The following THRB variants were observed in gnomAD, a reference collection of about 807,000 sequenced individuals.
THRB encodes the protein thyroid hormone receptor beta.
THRB carries 12 observed loss-of-function variants against 47.8 expected under a neutral mutation model. The observed-to-expected ratio is 0.25, with a 90% CI of 0.16 to 0.41. The LOEUF (loss-of-function observed/expected upper bound fraction) is 0.41, where lower values mean the gene tolerates loss of function less well. THRB is among the 10% of genes least tolerant of loss of function. THRB has a pLI of 1.00. For synonymous variants in THRB, 218 were observed against 212.2 expected (o/e 1.03, Z -0.24); for missense variants, 348 against 589.2 (o/e 0.59, Z 4.24).
chr3:24,428,418 T>C (rs1301552337), intron 1 of THRB, among the ~76,000 whole-genome samples: 1 of 152,052 alleles, frequency 6.6e-6, no homozygotes, highest in Non-Finnish European at 1.5e-5. Flanking sequence ...CCATTGCAAG[T>C]GATCAAGCCT....
At chr3:24,301,876 G>C (rs1403287066) in intron 2 of THRB, among the ~76,000 whole-genome samples, 1 of 152,198 alleles carries the variant, frequency 6.6e-6, no homozygotes, top group Non-Finnish European at 1.5e-5. Context: ...TGGAAGAAGG[G>C]TTGGAGAGAT....
intron 3 of THRB, among the ~76,000 whole-genome samples, chr3:24,256,671 G>A (rs536771012): frequency 5.9e-5 from 9 of 152,292 alleles, no homozygotes; most frequent in Admixed American, 2.0e-4. Flanking sequence ...TACTTGGGAG[G>A]AAGGGAGGAT....
At chr3:24,163,760 A>G (rs2683544) in intron 5 of THRB, among the ~76,000 whole-genome samples, 2 of 151,460 alleles carry the variant, frequency 1.3e-5, no homozygotes, top group Non-Finnish European at 2.9e-5. Flanking sequence ...TCAAGATGAG[A>G]AACTCTAAAT....
intron 1 of THRB, among the ~76,000 whole-genome samples, chr3:24,459,601 T>C (rs1215014774): frequency 6.6e-6 from 1 of 152,228 alleles, no homozygotes; most frequent in African/African-American, 2.4e-5. Flanking sequence ...GCGTTCCTCT[T>C]TCTCCACATC....
At chr3:24,242,668 T>C (rs1576248753) in intron 3 of THRB, among the ~76,000 whole-genome samples, 1 of 152,210 alleles carries the variant, frequency 6.6e-6, no homozygotes, top group East Asian at 1.9e-4. Context: ...GTTGAGTGAA[T>C]CACATACCTT....
At chr3:24,252,267 C>A (rs1217394641) in intron 3 of THRB, among the ~76,000 whole-genome samples, 7 of 151,974 alleles carry the variant, frequency 4.6e-5, no homozygotes, top group African/African-American at 1.7e-4. Context: ...TAAAACAGTG[C>A]AGTATTGGTG....
chr3:24,371,759 T>A (rs968017568), intron 1 of THRB, among the ~76,000 whole-genome samples: 9 of 152,158 alleles, frequency 5.9e-5, no homozygotes, highest in African/African-American at 1.9e-4. Flanking sequence ...CTACATTCAG[T>A]GGTCCCAACC....
rs2031248481 is a variant in THRB at position 24,119,482 on chromosome 3, T to C, written c.*3402A>G. The C allele has an allele frequency of 1.3e-5, 2 of 152,298 alleles. No individual in the cohort carries two copies. The highest frequency in any genetic ancestry group is 1.3e-4 in the Admixed American group (2 of 15,312). 9.4% of individuals were successfully genotyped at this position (152,298 alleles called of 1,614,324 possible). On this transcript the variant is annotated 3_prime_UTR_variant, in exon 11 of 11. Coordinates refer to ENST00000646209, the MANE Select transcript of THRB (RefSeq NM_001354712.2). ...TAGAATAAAAAGGTATCACTGACAA[T>C]GACATGCTTCAAGGGTGCTCAGCGG...
intron 3 of THRB, among the ~76,000 whole-genome samples, chr3:24,286,075 C>T (rs1283834792): frequency 1.3e-5 from 2 of 152,174 alleles, no homozygotes; most frequent in Non-Finnish European, 2.9e-5. Context: ...CATGTGAAGG[C>T]ATAAAGAGAA....
chr3:24,266,788 C>T (rs1402215025), intron 3 of THRB, among the ~76,000 whole-genome samples: 1 of 152,064 alleles, frequency 6.6e-6, no homozygotes, highest in African/African-American at 2.4e-5. Context: ...TTCACCCATA[C>T]TCTAGTAGAG....
intron 3 of THRB, among the ~76,000 whole-genome samples, chr3:24,253,422 C>G (rs559041469): frequency 3.3e-5 from 5 of 152,252 alleles, no homozygotes; most frequent in African/African-American, 1.2e-4. Flanking sequence ...TCTGCCCTCA[C>G]TGAGCTTTTG....
At chr3:24,463,974 C>T (rs563980908) in intron 1 of THRB, among the ~76,000 whole-genome samples, 13 of 152,272 alleles carry the variant, frequency 8.5e-5, no homozygotes, top group South Asian at 6.2e-4. Context: ...CGGCTGGGCG[C>T]GGTGGCTCAC....
At chr3:24,416,873 G>T (rs190507633) in intron 1 of THRB, among the ~76,000 whole-genome samples, 2 of 151,938 alleles carry the variant, frequency 1.3e-5, no homozygotes, top group African/African-American at 4.8e-5. Context: ...TGAATTTTGA[G>T]ACTCAATAGA....
At chr3:24,341,071 G>A (rs2062607777) in intron 1 of THRB, among the ~76,000 whole-genome samples, 1 of 151,500 alleles carries the variant, frequency 6.6e-6, no homozygotes, top group African/African-American at 2.4e-5. Flanking sequence ...ATCTTCTAGA[G>A]AAACAAATTC....
At chr3:24,404,963 A>G (rs2067703557) in intron 1 of THRB, among the ~76,000 whole-genome samples, 1 of 151,984 alleles carries the variant, frequency 6.6e-6, no homozygotes, top group African/African-American at 2.4e-5. Flanking sequence ...TACCAAACCT[A>G]AGAATGATCA....
chr3:24,474,281 T>C (rs1487735313), intron 1 of THRB, among the ~76,000 whole-genome samples: 1 of 152,204 alleles, frequency 6.6e-6, no homozygotes, highest in Non-Finnish European at 1.5e-5. Flanking sequence ...TTCAAAAGCA[T>C]GAAGCATAAA....
intron 2 of THRB, among the ~76,000 whole-genome samples, chr3:24,325,833 T>C (rs1196611876): frequency 6.6e-6 from 1 of 152,164 alleles, no homozygotes; most frequent in Non-Finnish European, 1.5e-5. Context: ...TTTTCCAACA[T>C]GTAATAAATC....
At position 24,431,751 on chromosome 3, in the gene THRB, A is replaced by G. The variant is rs190466744; in HGVS notation, c.-261+62901T>C. ...CAAAGAGGAAATAACCCAAAAGTCT[A>G]CACAGACTACACAGAACAAAGTGAT... is the stretch of plus-strand genomic sequence containing the variant. On this transcript the variant is annotated intron_variant, in intron 1 of 10. Coordinates refer to ENST00000646209, the MANE Select transcript of THRB (RefSeq NM_001354712.2). 3.3e-5 allele frequency among the ~76,000 whole-genome samples: 5 copies of G among 152,248 alleles called. No homozygotes were observed. In the East Asian group the frequency reaches 9.7e-4, roughly 29 times the overall value.
intron 9 of THRB, among the ~76,000 whole-genome samples, chr3:24,128,169 C>G (rs2033222615): frequency 2.0e-5 from 3 of 152,144 alleles, no homozygotes; most frequent in African/African-American, 7.2e-5. Context: ...GAATAGGTAA[C>G]AGCTTACCCT....
Sources: allele counts gnomAD v4.1 joint callset (sites outside exome capture counted in the v4.1 genomes callset), GRCh38; gene constraint gnomAD v4.1.1; transcripts MANE v1.5; gene names NCBI Gene and HGNC (gene_info 2026-07-23, HGNC 2026-07-21).